The following SMAD9 variants were observed in gnomAD, a reference collection of about 807,000 sequenced individuals.
SMAD9 encodes SMAD family member 9, also known as MAD homolog 9.
In SMAD9, 36 loss-of-function variants were observed where a neutral mutation model predicts 46.1. The ratio of observed to expected loss-of-function variants is 0.78; its 90% CI spans 0.60 to 1.03. SMAD9 has a LOEUF of 1.03. SMAD9 is among the 50% of genes least tolerant of loss of function. The probability of loss-of-function intolerance (pLI) is 0.00; values close to 1 mark genes in which losing one functional copy is unlikely to be tolerated. For synonymous variants in SMAD9, 245 were observed against 237.1 expected (o/e 1.03, Z -0.31); for missense variants, 572 against 599.8 (o/e 0.95, Z 0.48).
At chr13:36,854,902 T>C (rs1427285225) in intron 5 of SMAD9, among the ~76,000 whole-genome samples, 1 of 152,338 alleles carries the variant, frequency 6.6e-6, no homozygotes, top group Admixed American at 6.5e-5. Flanking sequence ...AAGTGAAATT[T>C]CTACATTTTC....
intron 3 of SMAD9, among the ~76,000 whole-genome samples, 175 bp from the exon 4 acceptor site, chr13:36,867,558 G>A (rs1281666556): frequency 6.6e-6 from 1 of 152,184 alleles, no homozygotes; most frequent in East Asian, 1.9e-4. Flanking sequence ...GTACCCTACA[G>A]AAGAAACTGG....
chr13:36,862,911 T>C (rs1566017369), intron 5 of SMAD9, among the ~76,000 whole-genome samples: 1 of 152,224 alleles, frequency 6.6e-6, no homozygotes, highest in East Asian at 1.9e-4. Context: ...TTGTATTTCG[T>C]GTCTGTCTTT....
At chr13:36,908,833 G>A (rs1018318988) in intron 1 of SMAD9, among the ~76,000 whole-genome samples, 7 of 152,238 alleles carry the variant, frequency 4.6e-5, no homozygotes, top group Admixed American at 3.3e-4. Context: ...AATAACGGCT[G>A]GATTTTTTAT....
intron 1 of SMAD9, among the ~76,000 whole-genome samples, chr13:36,896,706 G>A (rs1287765688): frequency 2.6e-5 from 4 of 151,764 alleles, no homozygotes; most frequent in South Asian, 4.2e-4. Context: ...TAAAAAAGGC[G>A]GCTCAAATAA....
chr13:36,912,527 GC>G (rs1282736869), intron 1 of SMAD9, among the ~76,000 whole-genome samples: 5 of 152,118 alleles, frequency 3.3e-5, no homozygotes, highest in African/African-American at 1.2e-4. Flanking sequence ...TGGTCTGGAG[GC>G]CCCTGGCTGG....
intron 1 of SMAD9, among the ~76,000 whole-genome samples, chr13:36,891,949 CA>C (rs2058491949): frequency 6.6e-6 from 1 of 151,972 alleles, no homozygotes; most frequent in Admixed American, 6.6e-5. Context: ...AAAACAAAAC[CA>C]AAAACTGAAT....
At chr13:36,874,423 C>T (rs1224494821) in intron 2 of SMAD9, among the ~76,000 whole-genome samples, 1 of 152,208 alleles carries the variant, frequency 6.6e-6, no homozygotes. Flanking sequence ...AGTCAACAGA[C>T]CAATGCCCTT....
chr13:36,909,385 G>A (rs2058642579), intron 1 of SMAD9, among the ~76,000 whole-genome samples: 1 of 152,196 alleles, frequency 6.6e-6, no homozygotes, highest in African/African-American at 2.4e-5. Context: ...TCAGTGATAA[G>A]CCAACATAAC....
intron 1 of SMAD9, among the ~76,000 whole-genome samples, chr13:36,917,819 A>G (rs1047511858): frequency 7.2e-5 from 11 of 152,256 alleles, no homozygotes; most frequent in African/African-American, 2.7e-4. Context: ...TACGGTGCTC[A>G]CTTACGAAAC....
At chr13:36,858,310 T>C (rs1450613809) in intron 5 of SMAD9, among the ~76,000 whole-genome samples, 3 of 152,262 alleles carry the variant, frequency 2.0e-5, no homozygotes, top group South Asian at 2.1e-4. Flanking sequence ...CCTACCGTTG[T>C]GCACTGCACA....
At chr13:36,883,108 G>T (rs998006902) in intron 1 of SMAD9, among the ~76,000 whole-genome samples, 2 of 152,178 alleles carry the variant, frequency 1.3e-5, no homozygotes, top group African/African-American at 4.8e-5. Flanking sequence ...CATTAACAGT[G>T]TAAGTTTATT....
intron 3 of SMAD9, among the ~76,000 whole-genome samples, chr13:36,872,258 T>C (rs1314337797): frequency 2.0e-5 from 3 of 151,710 alleles, no homozygotes; most frequent in African/African-American, 7.3e-5. Context: ...TTCCTTTGAT[T>C]GTTGAAAGAG....
chr13:36,883,683 G>A lies in SMAD9; in HGVS notation c.-186-3808C>T, dbSNP rs1228934175. On this transcript the variant is annotated intron_variant, in intron 1 of 6. Transcript: ENST00000379826. Reference sequence around the variant, plus strand: ...GGAGGACGGCTTGAGCCTGTGAATCGGAAGTTGCAGTGAGTCATGATTGTG... The same window carrying A: ...GGAGGACGGCTTGAGCCTGTGAATCAGAAGTTGCAGTGAGTCATGATTGTG... Among the ~76,000 whole-genome samples, 6 of 152,166 alleles carry A rather than the reference G, an allele frequency of 3.9e-5. No homozygotes were observed. The East Asian group carries it at 5.8e-4, about 15-fold the overall frequency.
chr13:36,908,569 G>C (rs1009374561), intron 1 of SMAD9, among the ~76,000 whole-genome samples: 1 of 152,048 alleles, frequency 6.6e-6, no homozygotes, highest in African/African-American at 2.4e-5. Flanking sequence ...AAATATTATT[G>C]GGTTAAGTGA....
intron 3 of SMAD9, among the ~76,000 whole-genome samples, chr13:36,872,239 G>A (rs1272178008): frequency 6.6e-6 from 1 of 151,740 alleles, no homozygotes; most frequent in South Asian, 2.1e-4. Flanking sequence ...ATATGTTTTA[G>A]GCAAGGGCTT....
chr13:36,894,564 C>A (rs1168305068), intron 1 of SMAD9, among the ~76,000 whole-genome samples: 1 of 152,092 alleles, frequency 6.6e-6, no homozygotes, highest in African/African-American at 2.4e-5. Flanking sequence ...TAATGAGTAG[C>A]CCAAGAATGA....
At chr13:36,861,862 G>A (rs2058185401) in intron 5 of SMAD9, among the ~76,000 whole-genome samples, 3 of 151,544 alleles carry the variant, frequency 2.0e-5, no homozygotes, top group Admixed American at 2.0e-4. Flanking sequence ...CCTGGAGGCA[G>A]AGGTTGCAGT....
chr13:36,880,289 T>C (rs1171369814), intron 1 of SMAD9, among the ~76,000 whole-genome samples: 1 of 152,108 alleles, frequency 6.6e-6, no homozygotes, highest in Non-Finnish European at 1.5e-5. Flanking sequence ...ATTCACTTAC[T>C]CCCAAACACA....
rs550176183 is a variant in SMAD9, at chr13:36,906,687, C to CA, written c.-187+13428dup. The stretch of plus-strand genomic sequence containing the variant: ...AGTTACTAGGGGAATGAGTGCAAAC[C>CA]AAAATCACAAGGTACCACTTCATAC... On this transcript the variant is annotated intron_variant, in intron 1 of 6. Transcript: ENST00000379826. Among the ~76,000 whole-genome samples, 39 of 152,190 alleles carry CA rather than the reference C, an allele frequency of 2.6e-4. No individual in the cohort carries two copies. The South Asian group carries it at 8.1e-3, about 32-fold the overall frequency.
Sources: allele counts gnomAD v4.1 joint callset (sites outside exome capture counted in the v4.1 genomes callset), GRCh38; gene constraint gnomAD v4.1.1; transcripts MANE v1.5; gene names NCBI Gene and HGNC (gene_info 2026-07-23, HGNC 2026-07-21).